PKHD1: variants seen among roughly 807,000 people sequenced by gnomAD.
PKHD1 encodes PKHD1 ciliary IPT domain containing fibrocystin/polyductin, also known as fibrocystin.
A neutral mutation model predicts 412.0 loss-of-function variants in PKHD1; 291 were observed. The observed-to-expected ratio is 0.71, with a 90% confidence interval of 0.64 to 0.78. The LOEUF (loss-of-function observed/expected upper bound fraction) is 0.78, where lower values mean the gene tolerates loss of function less well. Ranked by LOEUF, PKHD1 falls within the 30% of genes least tolerant of loss-of-function variation. The pLI, the probability that PKHD1 is intolerant of heterozygous loss-of-function variation, is 0.00. For synonymous variants in PKHD1, 1,777 were observed against 1,821.5 expected (o/e 0.98, Z 0.62); for missense variants, 4,825 against 4,950.7 (o/e 0.97, Z 0.76).
intron 52 of PKHD1, among the ~76,000 whole-genome samples, chr6:51,804,170 GAT>G (rs1248631201): frequency 1.3e-5 from 2 of 151,196 alleles, no homozygotes; most frequent in African/African-American, 4.9e-5. Context: ...ATCCATCTCT[GAT>G]AAACTACTGA....
At chr6:51,758,811 AAATAT>A (rs1272213292) in intron 55 of PKHD1, among the ~76,000 whole-genome samples, 1 of 152,166 alleles carries the variant, frequency 6.6e-6, no homozygotes, top group African/African-American at 2.4e-5. Flanking sequence ...TACTAGACAA[AAATAT>A]AATACTTATT....
intron 53 of PKHD1, among the ~76,000 whole-genome samples, chr6:51,782,209 T>A (rs1445578402): frequency 6.6e-6 from 1 of 152,100 alleles, no homozygotes; most frequent in Non-Finnish European, 1.5e-5. Flanking sequence ...AAAGACTAAC[T>A]GATGTCCCAA....
chr6:51,977,767 T>G (rs1794647186), intron 35 of PKHD1, among the ~76,000 whole-genome samples: 1 of 152,104 alleles, frequency 6.6e-6, no homozygotes, highest in Non-Finnish European at 1.5e-5. Context: ...GATTCCCACC[T>G]GGAAAGTCTA....
At chr6:52,062,410 AGT>A in intron 14 of PKHD1, 107 bp downstream of exon 14, 10 of 1,102,684 alleles carry the variant, frequency 9.1e-6, no homozygotes, top group Non-Finnish European at 1.4e-5. Context: ...TGAATTGGCT[AGT>A]GTTATAAATT....
intron 35 of PKHD1, among the ~76,000 whole-genome samples, chr6:51,968,436 C>T (rs1192227035): frequency 1.3e-5 from 2 of 152,114 alleles, no homozygotes; most frequent in Non-Finnish European, 2.9e-5. Context: ...TCACAGCTCA[C>T]TGAGGGCAAA....
chr6:51,836,450 A>G lies in PKHD1; in HGVS notation c.8127T>C (p.Val2709=). 1 of 1,613,160 alleles carries G rather than the reference A, an allele frequency of 6.2e-7. No homozygotes were observed. Among genetic ancestry groups the G allele is most frequent in the Non-Finnish European group, 8.5e-7 (1 of 1,179,116 alleles). Residue 2709 remains valine, a synonymous_variant, in exon 51 of 67, where the codon GTT becomes GTC. Coordinates refer to ENST00000371117, the MANE Select transcript of PKHD1 (RefSeq NM_138694.4). ...LTYLVSGEGQ[V]QVILRVKEGM... is the part of the protein sequence containing the mutation. ...CTTCCTTCACCCGGAGAATGACTTG[A>G]ACTTGGCCTTCACCTGAAACTAAAT...
At chr6:51,720,040 T>A (rs988125207) in intron 60 of PKHD1, among the ~76,000 whole-genome samples, 3 of 152,210 alleles carry the variant, frequency 2.0e-5, no homozygotes, top group African/African-American at 4.8e-5. Flanking sequence ...TGTGTGTGCA[T>A]GGAGGCAGGG....
chr6:51,701,539 T>G (rs1779401774), intron 60 of PKHD1, among the ~76,000 whole-genome samples: 1 of 152,084 alleles, frequency 6.6e-6, no homozygotes, highest in Non-Finnish European at 1.5e-5. Context: ...TAAATTCCAG[T>G]ATGATAAAGC....
intron 20 of PKHD1, 131 bp from the exon 21 acceptor site, chr6:52,053,382 A>G (rs1428360772): frequency 2.3e-6 from 2 of 878,216 alleles, no homozygotes; most frequent in African/African-American, 3.3e-5. Flanking sequence ...GAACCCCTGC[A>G]CCCAAGCAGT....
At chr6:51,753,089 C>T in intron 57 of PKHD1, 112 bp downstream of exon 57, 1 of 926,736 alleles carries the variant, frequency 1.1e-6, no homozygotes, top group Admixed American at 2.0e-5. Context: ...AAGGAACTAT[C>T]TCATTTGAAC....
At chr6:51,866,427 G>A (rs1775073485) in intron 48 of PKHD1, among the ~76,000 whole-genome samples, 1 of 152,060 alleles carries the variant, frequency 6.6e-6, no homozygotes, top group African/African-American at 2.4e-5. Flanking sequence ...TCTTGACCTT[G>A]TCAGTCCCCA....
chr6:52,053,440 A>G (rs899782068), intron 20 of PKHD1, among the ~76,000 whole-genome samples, 189 bp from the exon 21 acceptor site: 29 of 152,232 alleles, frequency 1.9e-4, no homozygotes, highest in African/African-American at 6.8e-4. Context: ...GGATCAGCTC[A>G]GCCTTGGTTA....
At chr6:51,924,348 G>T (rs1486855723) in intron 37 of PKHD1, among the ~76,000 whole-genome samples, 1 of 152,148 alleles carries the variant, frequency 6.6e-6, no homozygotes, top group African/African-American at 2.4e-5. Flanking sequence ...TACTACTGAA[G>T]CATGAGGGTG....
In PKHD1 at chr6:51,619,401, C is replaced by A. The variant is rs1363333026; in HGVS notation, c.11905G>T (p.Ala3969Ser). Residue 3969 changes from alanine to serine, a missense_variant, in exon 67 of 67, where the codon GCT becomes TCT. Coordinates refer to ENST00000371117, the MANE Select transcript of PKHD1 (RefSeq NM_138694.4). Reference sequence around the variant, plus strand: ...GATGTGATGCCAGTAGTACCAGGAGCAGGCACAGCAGCCTCTTCCTCTCGG... The same window carrying A: ...GATGTGATGCCAGTAGTACCAGGAGAAGGCACAGCAGCCTCTTCCTCTCGG... ...IVREEEAAVP[A>S]PGTTGITSHG... is the part of the protein sequence containing the mutation. The A allele has an allele frequency of 6.2e-7, 1 of 1,613,464 alleles. No homozygotes were observed. The highest frequency in any genetic ancestry group is 8.5e-7 in the Non-Finnish European group (1 of 1,179,504).
Position 51,615,516 on chromosome 6 carries a change from T to G in PKHD1, c.*3565A>C, listed in dbSNP as rs894800310. The G allele has an allele frequency of 1.3e-5, 2 of 152,206 alleles. No homozygotes were observed. The highest frequency in any genetic ancestry group is 4.8e-5 in the African/African-American group (2 of 41,438). 9.4% of individuals were successfully genotyped at this position (152,206 alleles called of 1,614,324 possible). ...GCTTATAGTTTTTTCAAAATTGGCA[T>G]AGACTATAAGTTCTGAAAGCAAAAT... On this transcript the variant is annotated 3_prime_UTR_variant, in exon 67 of 67. Transcript: ENST00000371117.
chr6:51,929,482 G>T (rs898046116), intron 37 of PKHD1, among the ~76,000 whole-genome samples: 4 of 148,270 alleles, frequency 2.7e-5, no homozygotes, highest in Non-Finnish European at 4.5e-5. Context: ...TCATTGTTTA[G>T]GGAACCCCTA....
intron 52 of PKHD1, among the ~76,000 whole-genome samples, chr6:51,797,556 C>T (rs1794803099): frequency 6.6e-6 from 1 of 152,108 alleles, no homozygotes; most frequent in Non-Finnish European, 1.5e-5. Flanking sequence ...TTATGTAATG[C>T]CCTTCTCTGT....
rs1772522356 is a variant in PKHD1 at position 51,659,771 on chromosome 6, G to C, written c.10355C>G (p.Thr3452Ser). Residue 3452 changes from threonine (T) to serine (S), a missense_variant, in exon 61 of 67, where the codon ACT becomes AGT. Coordinates refer to ENST00000371117, the MANE Select transcript of PKHD1 (RefSeq NM_138694.4). The part of the protein sequence containing the change: ...SSVNANIPCS[T>S]SGSVSTFYSI... ...ATAGAAAGTAGACACTGACCCAGAA[G>C]TAGAGCAGGGAATATTGGCATTTAC... The C allele has an allele frequency of 6.2e-7, 1 of 1,613,420 alleles. No homozygotes were observed. Among genetic ancestry groups the C allele is most frequent in the Non-Finnish European group, 8.5e-7 (1 of 1,179,610 alleles).
At chr6:51,794,923 G>A (rs1794361547) in intron 52 of PKHD1, among the ~76,000 whole-genome samples, 1 of 152,012 alleles carries the variant, frequency 6.6e-6, no homozygotes, top group African/African-American at 2.4e-5. Flanking sequence ...TATGCTGTTT[G>A]GTTACTGTAG....
Sources: allele counts gnomAD v4.1 joint callset (sites outside exome capture counted in the v4.1 genomes callset), GRCh38; gene constraint gnomAD v4.1.1; transcripts MANE v1.5; gene names NCBI Gene and HGNC (gene_info 2026-07-23, HGNC 2026-07-21).